SHC4: variants seen among roughly 807,000 people sequenced by gnomAD.
The protein encoded by SHC4 is SHC-transforming protein 4.
In SHC4, 41 loss-of-function variants were observed where a neutral mutation model predicts 69.4. The observed-to-expected ratio is 0.59, with a 90% CI of 0.46 to 0.77. The LOEUF (loss-of-function observed/expected upper bound fraction) is 0.77. SHC4 is among the 30% of genes least tolerant of loss of function. The pLI is 0.00. For missense variants in SHC4, 777 were observed against 783.8 expected (o/e 0.99, Z 0.10); for synonymous variants, 318 against 299.3 (o/e 1.06, Z -0.64).
chr15:48,890,714 G>A, intron 3 of SHC4, 34 bp downstream of exon 3: 1 of 1,611,954 alleles, frequency 6.2e-7, no homozygotes, highest in Non-Finnish European at 8.5e-7. Context: ...CATAATTAGG[G>A]AAACATAAAC....
chr15:48,917,957 C>T (rs1208084627), intron 2 of SHC4, among the ~76,000 whole-genome samples: 2 of 152,110 alleles, frequency 1.3e-5, no homozygotes, highest in Admixed American at 1.3e-4. Flanking sequence ...TTGCTGTCTC[C>T]CTGATATTTG....
chr15:48,963,205 C>A lies in SHC4; in HGVS notation c.-190G>T, dbSNP rs562020081. 19 of 588,094 alleles carry A rather than the reference C, an allele frequency of 3.2e-5. No homozygotes were observed. In the African/African-American group the frequency reaches 3.3e-4, roughly 10 times the overall value. The allele number at this position is 588,094 out of a possible 1,614,324, so 36.4% of individuals were successfully genotyped here. A position where few individuals can be genotyped will look rare whatever the true frequency, so the allele number is the denominator to read the frequency against. Reference sequence around the variant, plus strand: ...GTGACAGCCCATGGGGGAAACGCCTCCCCTGCTCTGATTTCAGTCTCTCCC... The same window carrying A: ...GTGACAGCCCATGGGGGAAACGCCTACCCTGCTCTGATTTCAGTCTCTCCC... On this transcript the variant is annotated 5_prime_UTR_variant, in exon 1 of 12. Transcript: ENST00000332408.
chr15:48,897,867 A>G (rs1900252724), intron 2 of SHC4, among the ~76,000 whole-genome samples: 1 of 152,156 alleles, frequency 6.6e-6, no homozygotes, highest in Non-Finnish European at 1.5e-5. Flanking sequence ...TAATCACAGC[A>G]AGAGCCTTTC....
At chr15:48,938,490 C>T (rs567382790) in intron 1 of SHC4, 4 of 152,256 alleles carry the variant, frequency 2.6e-5, no homozygotes, top group South Asian at 4.2e-4. Context: ...TCATTAGTAC[C>T]GTTCCACAAA....
intron 7 of SHC4, among the ~76,000 whole-genome samples, chr15:48,857,183 G>T (rs1899336653): frequency 6.6e-6 from 1 of 152,058 alleles, no homozygotes; most frequent in Admixed American, 6.6e-5. Flanking sequence ...AAATCCTTGG[G>T]TCCCACCGTG....
intron 6 of SHC4, among the ~76,000 whole-genome samples, chr15:48,860,715 C>T (rs1010864465): frequency 4.6e-5 from 7 of 152,018 alleles, no homozygotes; most frequent in South Asian, 2.1e-4. Flanking sequence ...CCAGTGAGGG[C>T]GATGAGAGAA....
At chr15:48,960,910 TAATC>T (rs1490083753) in intron 1 of SHC4, among the ~76,000 whole-genome samples, 1 of 152,132 alleles carries the variant, frequency 6.6e-6, no homozygotes, top group African/African-American at 2.4e-5. Flanking sequence ...CCTCCATCAA[TAATC>T]AATCACAACC....
Position 48,963,005 on chromosome 15 carries a change from C to T in SHC4, c.11G>A (p.Arg4His). Residue 4 changes from arginine (R) to histidine (H), a missense_variant, in exon 1 of 12, where the codon CGC (arginine) becomes CAC (histidine). Transcript: ENST00000332408. ...GAGTCCTGCCAGGCTGTCCTGGCCG[C>T]GTTCTCGCATAGCCTTGGCAGTGCT... MRE[R>H]GQDSLAGLVL... is the part of the protein sequence containing the mutation. The T allele has an allele frequency of 1.2e-6, 2 of 1,606,636 alleles. No homozygotes were observed. Among genetic ancestry groups the T allele is most frequent in the Non-Finnish European group, 1.7e-6 (2 of 1,176,034 alleles).
intron 1 of SHC4, among the ~76,000 whole-genome samples, chr15:48,931,160 T>G (rs1296762195): frequency 6.6e-6 from 1 of 152,196 alleles, no homozygotes; most frequent in Non-Finnish European, 1.5e-5. Context: ...TAGTTTCTTA[T>G]TTTTTAAAAA....
chr15:48,880,457 A>T (rs952967894), intron 4 of SHC4, among the ~76,000 whole-genome samples: 1 of 152,172 alleles, frequency 6.6e-6, no homozygotes, highest in Non-Finnish European at 1.5e-5. Flanking sequence ...AGTGCACAAT[A>T]AACTGGCTGG....
intron 2 of SHC4, among the ~76,000 whole-genome samples, chr15:48,899,894 C>CAAACCTTCCTAGGTGAGGCCTAGGA (rs1202538914): frequency 6.6e-6 from 1 of 152,182 alleles, no homozygotes; most frequent in Non-Finnish European, 1.5e-5. Flanking sequence ...TAGGAATCTA[C>CAAACCTTCCTAGGTGAGGCCTAGGA]AGCTTAACAA....
At chr15:48,878,995 A>C (rs1467546504) in intron 4 of SHC4, 3 of 383,634 alleles carry the variant, frequency 7.8e-6, no homozygotes, top group Non-Finnish European at 1.5e-5. Context: ...TATGGCTTTG[A>C]CTTTGTTATT....
chr15:48,933,493 T>C (rs1901010649), intron 1 of SHC4, among the ~76,000 whole-genome samples: 1 of 152,142 alleles, frequency 6.6e-6, no homozygotes, highest in Non-Finnish European at 1.5e-5. Context: ...AAGATAGTAA[T>C]ACTCCCAAAA....
intron 1 of SHC4, among the ~76,000 whole-genome samples, chr15:48,930,274 AAGT>A (rs1900937446): frequency 6.6e-6 from 1 of 152,256 alleles, no homozygotes; most frequent in Non-Finnish European, 1.5e-5. Context: ...TTTTAAAAAT[AAGT>A]AGTAGTATTA....
At chr15:48,862,745 C>T (rs763556594) in intron 6 of SHC4, among the ~76,000 whole-genome samples, 30 of 152,266 alleles carry the variant, frequency 2.0e-4, no homozygotes, top group Non-Finnish European at 4.3e-4. Flanking sequence ...ACCCTCATGC[C>T]CCTTAACTCC....
chr15:48,921,337 T>TG lies in SHC4; in HGVS notation c.656+3541_656+3542insC, dbSNP rs796689111. 3.3e-5 allele frequency among the ~76,000 whole-genome samples: 5 copies of TG among 151,502 alleles called. No individual in the cohort carries two copies. In the South Asian group the frequency reaches 1.0e-3, roughly 32 times the overall value. On this transcript the variant is annotated intron_variant, in intron 2 of 11. Coordinates refer to ENST00000332408, the MANE Select transcript of SHC4 (RefSeq NM_203349.4). ...GAGGAAATGGGAAGTTATCGTTTTTTTTTTTTTTTCCTTTGAGATGGAGTT... is the reference window on the plus strand; with the variant it reads ...GAGGAAATGGGAAGTTATCGTTTTTTGTTTTTTTTTCCTTTGAGATGGAGTT...
intron 1 of SHC4, among the ~76,000 whole-genome samples, chr15:48,935,374 C>T (rs1366341755): frequency 6.6e-6 from 1 of 152,158 alleles, no homozygotes; most frequent in Non-Finnish European, 1.5e-5. Flanking sequence ...ATGTCTATGC[C>T]TCCTGCTGGA....
At chr15:48,878,113 A>G (rs1402178916) in intron 4 of SHC4, 15 of 1,506,068 alleles carry the variant, frequency 1.0e-5, no homozygotes, top group Middle Eastern at 2.2e-4. Flanking sequence ...ACGCGCACGA[A>G]CGCACGGCCG....
At chr15:48,920,077 C>T (rs1283249830) in intron 2 of SHC4, among the ~76,000 whole-genome samples, 2 of 151,012 alleles carry the variant, frequency 1.3e-5, no homozygotes, top group Non-Finnish European at 2.9e-5. Flanking sequence ...TGCAGTGGCA[C>T]GATCTTGGCT....
Sources: gnomAD v4.1 joint callset for allele counts (sites outside exome capture counted in the v4.1 genomes callset) on GRCh38, gnomAD v4.1.1 for gene constraint, MANE v1.5 for transcripts, NCBI Gene and HGNC (gene_info 2026-07-23, HGNC 2026-07-21) for gene names.